UBA52: variants seen among roughly 807,000 people sequenced by gnomAD.
UBA52 encodes ubiquitin A-52 residue ribosomal protein fusion product 1, also known as ubiquitin-ribosomal protein eL40 fusion protein.
Under a neutral mutation model 15.3 loss-of-function variants are expected in UBA52, and 1 was observed. The observed-to-expected ratio is 0.07, with a 90% CI of 0.02 to 0.31. UBA52 has a LOEUF of 0.31. Among genes scored for constraint, UBA52 ranks in the 10% least tolerant of loss-of-function variants. The pLI is 1.00. For missense variants in UBA52, 87 were observed against 168.0 expected (o/e 0.52, Z 2.66); for synonymous variants, 50 against 58.3 (o/e 0.86, Z 0.65).
At chr19:18,568,563 G>A (rs770372826), upstream of UBA52, 21 of 1,613,712 alleles carry the variant, frequency 1.3e-5, no homozygotes, top group South Asian at 2.2e-4. Context: ...CCTGTCCCAT[G>A]TCCAGCCTGG....
chr19:18,573,596 C>A (rs1011135646), intron 2 of UBA52, 66 bp from the exon 3 acceptor site: 17 of 1,546,814 alleles, frequency 1.1e-5, no homozygotes, highest in African/African-American at 1.4e-5. Flanking sequence ...GCTGGAGCTC[C>A]CCTGCAGAGG....
At chr19:18,568,699 C>T (rs1975383093), upstream of UBA52, 3 of 1,235,804 alleles carry the variant, frequency 2.4e-6, no homozygotes, top group Middle Eastern at 2.0e-4. Context: ...GGTAACCCTG[C>T]CTTGTTCTGT....
chr19:18,571,319 A>AG (rs1484281273), upstream of UBA52, among the ~76,000 whole-genome samples: 1 of 150,502 alleles, frequency 6.6e-6, no homozygotes, highest in East Asian at 2.0e-4. Context: ...TCAAAAAAAA[A>AG]AAAAAAAAAA....
intron 1 of UBA52, 160 bp from the exon 2 acceptor site, chr19:18,573,132 CA>C (rs1296656898): frequency 1.8e-6 from 2 of 1,121,620 alleles, no homozygotes; most frequent in African/African-American, 3.1e-5. Flanking sequence ...AGAAGCCTAG[CA>C]GGGCCAGGCT....
chr19:18,566,405 G>A, the UBA52 span, among the ~76,000 whole-genome samples: 1 of 67,238 alleles, frequency 1.5e-5, no homozygotes. Flanking sequence ...GAGGTGAGCC[G>A]AGATCGCGCC....
chr19:18,576,713 G>A lies in UBA52; in HGVS notation c.*1563G>A, dbSNP rs1405843427. The A allele has an allele frequency of 6.7e-6, 1 of 149,134 alleles. No individual in the cohort carries two copies. Among genetic ancestry groups the A allele is most frequent in the Non-Finnish European group, 1.5e-5 (1 of 67,652 alleles). The allele number at this position is 149,134 out of a possible 1,614,324, so 9.2% of individuals were successfully genotyped here. On this transcript the variant is annotated 3_prime_UTR_variant, in exon 5 of 5. Coordinates refer to ENST00000442744, the MANE Select transcript of UBA52 (RefSeq NM_001033930.3). Reference sequence around the variant, plus strand: ...CCTTGCTCCCATCGTGCAGGCTGGAGTGCGGTGGCGCAGTCTCGGCTCACT... The same window carrying A: ...CCTTGCTCCCATCGTGCAGGCTGGAATGCGGTGGCGCAGTCTCGGCTCACT...
At chr19:18,574,813 T>C in intron 3 of UBA52, 57 bp from the exon 4 acceptor site, 1 of 1,601,008 alleles carries the variant, frequency 6.2e-7, no homozygotes. Flanking sequence ...GTCCTGCCCC[T>C]GTGACTGAGG....
chr19:18,574,788 T>C (rs1568429938), intron 3 of UBA52, 82 bp from the exon 4 acceptor site: 5 of 1,546,126 alleles, frequency 3.2e-6, no homozygotes, highest in South Asian at 1.2e-5. Context: ...AGCAGCAGAC[T>C]ATAGGCCCTG....
the UBA52 span, among the ~76,000 whole-genome samples, chr19:18,565,353 C>T: frequency 1.3e-5 from 2 of 151,736 alleles, no homozygotes; most frequent in East Asian, 1.9e-4. Context: ...CCTCAGTCTC[C>T]GGAGTAGCTG....
At chr19:18,567,395 A>G, upstream of UBA52, 1 of 651,264 alleles carries the variant, frequency 1.5e-6, no homozygotes, top group East Asian at 2.7e-5. Flanking sequence ...CCCCGTGGGG[A>G]GGCCGCACAG....
chr19:18,568,369 G>T, upstream of UBA52: 2 of 1,557,710 alleles, frequency 1.3e-6, no homozygotes, highest in South Asian at 2.3e-5. Flanking sequence ...TTGGCAAGGT[G>T]ACAAAACCAA....
At chr19:18,566,636 C>CA in the UBA52 span, among the ~76,000 whole-genome samples, 1 of 150,986 alleles carries the variant, frequency 6.6e-6, no homozygotes, top group African/African-American at 2.4e-5. Context: ...ACTAAAAATA[C>CA]AAAAAAATCA....
chr19:18,569,002 A>T, upstream of UBA52: 1 of 273,906 alleles, frequency 3.7e-6, no homozygotes. Context: ...ACCGGTCAGG[A>T]CCTCCTTGAG....
At chr19:18,571,237 G>A (rs987102512), upstream of UBA52, among the ~76,000 whole-genome samples, 2 of 150,826 alleles carry the variant, frequency 1.3e-5, no homozygotes, top group East Asian at 2.0e-4. Flanking sequence ...TTGAACCCAG[G>A]AGGCGGAGGT....
upstream of UBA52, chr19:18,569,067 A>G (rs1975396818): frequency 5.7e-6 from 1 of 176,774 alleles, no homozygotes; most frequent in Non-Finnish European, 1.2e-5. Context: ...GCACCCACTA[A>G]TTCTGCTTTT....
intron 2 of UBA52, 108 bp from the exon 3 acceptor site, chr19:18,573,554 C>G: frequency 2.2e-6 from 3 of 1,348,380 alleles, no homozygotes; most frequent in South Asian, 2.5e-5. Flanking sequence ...TATCTTCTAC[C>G]TCAGTTGGCC....
the UBA52 span, among the ~76,000 whole-genome samples, chr19:18,566,075 T>C: frequency 1.1e-4 from 17 of 151,870 alleles, no homozygotes; most frequent in Non-Finnish European, 2.1e-4. Flanking sequence ...AGATGATCCA[T>C]CCACCTCGAC....
At chr19:18,565,230 G>GTT in the UBA52 span, 25,310 of 1,059,730 alleles carry the variant, frequency 0.024, no homozygotes, top group African/African-American at 0.032. Context: ...TCGAGACAGA[G>GTT]TTTTTTTTTT....
the UBA52 span, among the ~76,000 whole-genome samples, chr19:18,564,710 T>C: frequency 6.6e-6 from 1 of 152,268 alleles, no homozygotes; most frequent in East Asian, 1.9e-4. Context: ...AGGAGTTTGC[T>C]AGGTGGCTCA....
Sources: gnomAD v4.1 joint callset for allele counts (sites outside exome capture counted in the v4.1 genomes callset) on GRCh38, gnomAD v4.1.1 for gene constraint, MANE v1.5 for transcripts, NCBI Gene and HGNC (gene_info 2026-07-23, HGNC 2026-07-21) for gene names.